Variants in GALNT13 observed in about 807,000 individuals in gnomAD.
GALNT13 encodes the protein UDP-GalNAc:polypeptide N-acetylgalactosaminyltransferase 13.
GALNT13 carries 28 observed loss-of-function variants against 64.2 expected under a neutral mutation model. That is an observed-to-expected ratio of 0.44 (90% confidence interval 0.32 to 0.60). GALNT13 has a LOEUF of 0.60. Ranked by LOEUF, GALNT13 falls within the 20% of genes least tolerant of loss-of-function variation. GALNT13 has a pLI of 0.05. For synonymous variants in GALNT13, 214 were observed against 224.6 expected (o/e 0.95, Z 0.42); for missense variants, 577 against 669.8 (o/e 0.86, Z 1.53).
intron 11 of GALNT13, among the ~76,000 whole-genome samples, chr2:154,432,713 A>G (rs1700764401): frequency 6.6e-6 from 1 of 152,062 alleles, no homozygotes; most frequent in African/African-American, 2.4e-5. Context: ...CCATCATCAC[A>G]TGGCTGTCTT....
chr2:153,162,116 G>C, the GALNT13 span, among the ~76,000 whole-genome samples: 1 of 152,074 alleles, frequency 6.6e-6, no homozygotes, highest in Non-Finnish European at 1.5e-5. Context: ...CCTAACTCAG[G>C]AGCTGCCAGA....
At chr2:154,186,258 T>A (rs760918874) in intron 4 of GALNT13, among the ~76,000 whole-genome samples, 3 of 152,246 alleles carry the variant, frequency 2.0e-5, no homozygotes, top group Middle Eastern at 3.4e-3. Flanking sequence ...TAAATGACAG[T>A]TTGTCTGTCA....
At chr2:154,194,427 G>GT (rs1559017415) in intron 4 of GALNT13, among the ~76,000 whole-genome samples, 1 of 152,172 alleles carries the variant, frequency 6.6e-6, no homozygotes, top group African/African-American at 2.4e-5. Context: ...CCGGGTTGAA[G>GT]TTTAACTATG....
chr2:154,191,958 C>T (rs1302459161), intron 4 of GALNT13, among the ~76,000 whole-genome samples: 1 of 152,128 alleles, frequency 6.6e-6, no homozygotes, highest in Non-Finnish European at 1.5e-5. Flanking sequence ...CCAGAAGAAT[C>T]GGATCACATG....
At chr2:154,004,771 G>A (rs944290376) in intron 3 of GALNT13, among the ~76,000 whole-genome samples, 2 of 151,974 alleles carry the variant, frequency 1.3e-5, no homozygotes, top group Non-Finnish European at 2.9e-5. Flanking sequence ...CATAATTTTG[G>A]CACAGTTATG....
chr2:154,214,051 A>G (rs1687916504), intron 4 of GALNT13, among the ~76,000 whole-genome samples: 2 of 152,282 alleles, frequency 1.3e-5, no homozygotes, highest in South Asian at 4.1e-4. Context: ...TAACGTCATT[A>G]TAAAACTCAC....
chr2:153,379,051 A>G, the GALNT13 span, among the ~76,000 whole-genome samples: 2 of 152,078 alleles, frequency 1.3e-5, no homozygotes, highest in African/African-American at 4.8e-5. Flanking sequence ...CCAACCTTAG[A>G]TCCTGGAGTG....
At chr2:153,144,600 G>A in the GALNT13 span, among the ~76,000 whole-genome samples, 1 of 151,884 alleles carries the variant, frequency 6.6e-6, no homozygotes, top group Non-Finnish European at 1.5e-5. Flanking sequence ...AGAATAATTG[G>A]TTCTCAGGAA....
chr2:153,567,527 C>T, the GALNT13 span, among the ~76,000 whole-genome samples: 1 of 152,204 alleles, frequency 6.6e-6, no homozygotes, highest in Non-Finnish European at 1.5e-5. Flanking sequence ...AAAGGAACAA[C>T]TGGCCATTGT....
At chr2:154,125,692 A>G (rs1359103582) in intron 3 of GALNT13, among the ~76,000 whole-genome samples, 1 of 152,222 alleles carries the variant, frequency 6.6e-6, no homozygotes, top group African/African-American at 2.4e-5. Flanking sequence ...TTTTTTGTCA[A>G]TCTTAATGAA....
chr2:153,577,093 G>T, the GALNT13 span, among the ~76,000 whole-genome samples: 1 of 151,980 alleles, frequency 6.6e-6, no homozygotes, highest in African/African-American at 2.4e-5. Context: ...CTCCTCTAAT[G>T]GAAATGAATT....
chr2:153,910,021 T>C (rs1688832365), intron 2 of GALNT13, among the ~76,000 whole-genome samples: 1 of 152,034 alleles, frequency 6.6e-6, no homozygotes. Context: ...CCCTTCTTTG[T>C]ATGTCTGGTA....
At chr2:154,222,272 A>G (rs1164349891) in intron 4 of GALNT13, among the ~76,000 whole-genome samples, 1 of 152,108 alleles carries the variant, frequency 6.6e-6, no homozygotes, top group African/African-American at 2.4e-5. Context: ...AAGTTATAAT[A>G]TCTTCCACAA....
intron 3 of GALNT13, among the ~76,000 whole-genome samples, chr2:154,007,815 A>G (rs1344818072): frequency 6.6e-6 from 1 of 151,952 alleles, no homozygotes; most frequent in Admixed American, 6.6e-5. Flanking sequence ...TAAGACAGCA[A>G]TACAACACAT....
chr2:153,183,491 A>G, the GALNT13 span, among the ~76,000 whole-genome samples: 1 of 152,080 alleles, frequency 6.6e-6, no homozygotes, highest in African/African-American at 2.4e-5. Flanking sequence ...TCATTTGTCA[A>G]TTTTTGCTTT....
chr2:153,420,128 C>T, the GALNT13 span, among the ~76,000 whole-genome samples: 3 of 152,184 alleles, frequency 2.0e-5, no homozygotes, highest in East Asian at 5.8e-4. Flanking sequence ...ATAAAAGGAG[C>T]AATTCACCAG....
At chr2:153,946,629 G>A (rs1360089777) in intron 3 of GALNT13, among the ~76,000 whole-genome samples, 1 of 151,906 alleles carries the variant, frequency 6.6e-6, no homozygotes, top group African/African-American at 2.4e-5. Context: ...AAATCTCTCT[G>A]GGGCATATTT....
the GALNT13 span, among the ~76,000 whole-genome samples, chr2:153,664,285 G>T: frequency 6.6e-6 from 1 of 152,092 alleles, no homozygotes; most frequent in Non-Finnish European, 1.5e-5. Flanking sequence ...CTTCCCCAGG[G>T]TTATTCCTTG....
chr2:153,249,816 C>A, the GALNT13 span, among the ~76,000 whole-genome samples: 1 of 152,096 alleles, frequency 6.6e-6, no homozygotes, highest in Non-Finnish European at 1.5e-5. Context: ...GGGGAACTGG[C>A]TAGCCATACG....
Sources: gnomAD v4.1 joint callset for allele counts (sites outside exome capture counted in the v4.1 genomes callset) on GRCh38, gnomAD v4.1.1 for gene constraint, MANE v1.5 for transcripts, NCBI Gene and HGNC (gene_info 2026-07-23, HGNC 2026-07-21) for gene names.